The following CREB5 variants were observed in gnomAD, a reference collection of about 807,000 sequenced individuals.
The protein encoded by CREB5 is cAMP responsive element binding protein 5, also known as cyclic AMP-responsive element-binding protein 5.
In CREB5, 19 loss-of-function variants were observed where a neutral mutation model predicts 57.1. The ratio of observed to expected loss-of-function variants is 0.33; its 90% CI spans 0.23 to 0.49. CREB5 has a LOEUF of 0.49. Among genes scored for constraint, CREB5 ranks in the 20% least tolerant of loss-of-function variants. The pLI, the probability that CREB5 is intolerant of heterozygous loss-of-function variation, is 0.99. For missense variants in CREB5, 579 were observed against 671.6 expected (o/e 0.86, Z 1.52); for synonymous variants, 238 against 238.3 (o/e 1.00, Z 0.01).
rs1554331892 is a variant in CREB5, at chr7:28,486,670, T to TTAAATATATATATATATA, written c.4-1503_4-1502insAATATATATATATATATA. ...AACTAAACGTGTATCTCCTATGATT[T>TTAAATATATATATATATA]TATATATATATATATATATATATGT... On this transcript the variant is annotated intron_variant, in intron 1 of 10. Coordinates refer to ENST00000357727, the MANE Select transcript of CREB5 (RefSeq NM_182898.4). Among the ~76,000 whole-genome samples the TTAAATATATATATATATA allele has an allele frequency of 1.0e-3, 92 of 89,142 alleles. 4 individuals carry two copies. The highest frequency in any genetic ancestry group is 2.9e-3 in the African/African-American group (68 of 23,466). 58.5% of individuals were successfully genotyped at this position (89,142 alleles called of 152,430 possible). A position where few individuals can be genotyped will look rare whatever the true frequency, so the allele number is the denominator to read the frequency against.
At chr7:28,567,750 T>C (rs1795539561) in intron 4 of CREB5, among the ~76,000 whole-genome samples, 1 of 152,176 alleles carries the variant, frequency 6.6e-6, no homozygotes, top group African/African-American at 2.4e-5. Context: ...GATGCTGGAA[T>C]GCAGCATGGT....
chr7:28,658,963 A>ATATATATATATATATATATATATG (rs1554281591), intron 5 of CREB5, among the ~76,000 whole-genome samples: 5 of 117,190 alleles, frequency 4.3e-5, no homozygotes, highest in South Asian at 2.6e-4. Flanking sequence ...GTATATATAT[A>ATATATATATATATATATATATATG]TATATATATA....
At chr7:28,343,577 C>T (rs1217731300) in intron 1 of CREB5, among the ~76,000 whole-genome samples, 1 of 152,074 alleles carries the variant, frequency 6.6e-6, no homozygotes, top group African/African-American at 2.4e-5. Context: ...ATATCTGTAT[C>T]TGTATCTATA....
intron 7 of CREB5, among the ~76,000 whole-genome samples, chr7:28,789,728 G>A (rs1807552568): frequency 6.6e-6 from 1 of 152,092 alleles, no homozygotes; most frequent in Non-Finnish European, 1.5e-5. Flanking sequence ...TATTTCAGAA[G>A]GTGGATTCAT....
At chr7:28,526,638 C>T (rs1341642571) in intron 4 of CREB5, among the ~76,000 whole-genome samples, 2 of 152,192 alleles carry the variant, frequency 1.3e-5, no homozygotes, top group Non-Finnish European at 2.9e-5. Flanking sequence ...GATTTACCAT[C>T]AAAGCAGAGT....
At chr7:28,669,723 A>G (rs1799956051) in intron 5 of CREB5, among the ~76,000 whole-genome samples, 1 of 152,236 alleles carries the variant, frequency 6.6e-6, no homozygotes. Flanking sequence ...GCTACAAGCC[A>G]AGCTCATAGA....
At chr7:28,778,878 A>C (rs761893024) in intron 7 of CREB5, 10 of 152,208 alleles carry the variant, frequency 6.6e-5, no homozygotes, top group Non-Finnish European at 8.8e-5. Context: ...GTTAGGATTT[A>C]ATCACGTATT....
intron 1 of CREB5, among the ~76,000 whole-genome samples, chr7:28,481,313 A>G (rs1418959826): frequency 6.6e-6 from 1 of 152,236 alleles, no homozygotes; most frequent in Non-Finnish European, 1.5e-5. Context: ...CTTTTGGGAT[A>G]CCAGGGGATG....
At chr7:28,455,210 A>G (rs1037686431) in intron 1 of CREB5, among the ~76,000 whole-genome samples, 3 of 152,212 alleles carry the variant, frequency 2.0e-5, no homozygotes, top group African/African-American at 7.2e-5. Context: ...TCCCAGACAC[A>G]TTTGGAAATG....
intron 1 of CREB5, among the ~76,000 whole-genome samples, chr7:28,393,689 G>A (rs1012788641): frequency 6.6e-6 from 1 of 152,188 alleles, no homozygotes; most frequent in Non-Finnish European, 1.5e-5. Flanking sequence ...ATAAGTGAAA[G>A]GAATGAGAGC....
chr7:28,398,489 A>G (rs974260662), intron 1 of CREB5, among the ~76,000 whole-genome samples: 2 of 152,190 alleles, frequency 1.3e-5, no homozygotes, highest in East Asian at 1.9e-4. Flanking sequence ...TTGCTATCCC[A>G]TATCAATGGA....
intron 1 of CREB5, among the ~76,000 whole-genome samples, chr7:28,356,257 C>T (rs978858275): frequency 1.3e-5 from 2 of 152,170 alleles, no homozygotes; most frequent in Non-Finnish European, 2.9e-5. Context: ...TGGAGTTTAC[C>T]CAGATGTAGC....
At chr7:28,656,864 T>C (rs1357715904) in intron 5 of CREB5, among the ~76,000 whole-genome samples, 1 of 151,758 alleles carries the variant, frequency 6.6e-6, no homozygotes, top group Non-Finnish European at 1.5e-5. Flanking sequence ...TTTTTTTTTC[T>C]CTTTTGAGGA....
At chr7:28,783,527 T>G (rs1029043562) in intron 7 of CREB5, among the ~76,000 whole-genome samples, 1 of 152,218 alleles carries the variant, frequency 6.6e-6, no homozygotes, top group African/African-American at 2.4e-5. Flanking sequence ...GCATGCATTA[T>G]AACCATTTGC....
intron 5 of CREB5, among the ~76,000 whole-genome samples, chr7:28,714,149 G>C (rs1460312334): frequency 6.6e-6 from 1 of 151,920 alleles, no homozygotes; most frequent in Non-Finnish European, 1.5e-5. Context: ...TCTTTTTGTA[G>C]AGACAGAGTT....
intron 9 of CREB5, among the ~76,000 whole-genome samples, chr7:28,811,144 TTGAATAAA>T (rs1208128366): frequency 1.3e-5 from 2 of 152,300 alleles, no homozygotes; most frequent in South Asian, 4.1e-4. Flanking sequence ...AACTTATTTG[TTGAATAAA>T]TGAATGGGTT....
rs143295811 is a variant in CREB5, at chr7:28,647,240, C to T, written c.465-71513C>T. On this transcript the variant is annotated intron_variant, in intron 5 of 10. Coordinates refer to ENST00000357727, the MANE Select transcript of CREB5 (RefSeq NM_182898.4). ...GGCCACTATCACTGCTGAACAGCAT[C>T]GCAAACATGACACTAAAGGGCTCAG... Among the ~76,000 whole-genome samples, 919 of 151,494 alleles carry T rather than the reference C, an allele frequency of 6.1e-3. 15 individuals are homozygous for T. Among genetic ancestry groups the T allele is most frequent in the Non-Finnish European group, 7.3e-3 (492 of 67,730 alleles).
chr7:28,306,567 T>TGTTTG (rs1305039061), intron 1 of CREB5, among the ~76,000 whole-genome samples: 6 of 140,408 alleles, frequency 4.3e-5, no homozygotes, highest in Non-Finnish European at 7.7e-5. Context: ...TTTTTTTTTT[T>TGTTTG]TTTTTTTTTT....
intron 1 of CREB5, among the ~76,000 whole-genome samples, chr7:28,472,524 G>A (rs957208814): frequency 6.6e-6 from 1 of 152,052 alleles, no homozygotes; most frequent in Admixed American, 6.5e-5. Context: ...ATGTCACAGG[G>A]GCTGTGTTCT....
Sources: allele counts gnomAD v4.1 joint callset (sites outside exome capture counted in the v4.1 genomes callset), GRCh38; gene constraint gnomAD v4.1.1; transcripts MANE v1.5; gene names NCBI Gene and HGNC (gene_info 2026-07-23, HGNC 2026-07-21).